KLRF1: variants seen among roughly 807,000 people sequenced by gnomAD.
KLRF1 encodes killer cell lectin-like receptor subfamily F member 1.
In KLRF1, 27 loss-of-function variants were observed where a neutral mutation model predicts 30.7. That is an observed-to-expected ratio of 0.88 (90% CI 0.65 to 1.21). The LOEUF (loss-of-function observed/expected upper bound fraction) is 1.21. Ranked by LOEUF, KLRF1 falls within the 50% of genes most tolerant of loss-of-function variation. The probability of loss-of-function intolerance (pLI) is 0.00; values close to 1 mark genes in which losing one functional copy is unlikely to be tolerated. For synonymous variants in KLRF1, 92 were observed against 89.3 expected, an observed-to-expected ratio of 1.03 and a Z score of -0.17; for missense variants, 246 against 259.3, an observed-to-expected ratio of 0.95 and a Z score of 0.35.
chr12:9,829,254 G>A (rs1025575167), intron 1 of KLRF1, among the ~76,000 whole-genome samples: 2 of 152,044 alleles, frequency 1.3e-5, no homozygotes, highest in South Asian at 4.2e-4. Flanking sequence ...AATGTTTTGC[G>A]GTTTTAAAAA....
chr12:9,829,739 A>G (rs1867368841), intron 1 of KLRF1, among the ~76,000 whole-genome samples: 1 of 152,258 alleles, frequency 6.6e-6, no homozygotes, highest in African/African-American at 2.4e-5. Context: ...AACCTGAGCA[A>G]CAGAGCGAGA....
At chr12:9,842,188 G>C (rs1169714878) in intron 4 of KLRF1, 133 bp from the exon 5 acceptor site, 2 of 917,456 alleles carry the variant, frequency 2.2e-6, no homozygotes, top group African/African-American at 3.4e-5. Flanking sequence ...TATAATGTGT[G>C]TATAAGTAAG....
the KLRF1 span, among the ~76,000 whole-genome samples, chr12:9,821,369 A>G: frequency 6.6e-6 from 1 of 152,068 alleles, no homozygotes; most frequent in African/African-American, 2.4e-5. Context: ...CCCTCAGACT[A>G]ATGAAGGAGC....
At chr12:9,837,963 T>C (rs1867617277) in intron 3 of KLRF1, among the ~76,000 whole-genome samples, 1 of 152,174 alleles carries the variant, frequency 6.6e-6, no homozygotes, top group African/African-American at 2.4e-5. Context: ...TGCTTCAGGG[T>C]GAGCCCTGAG....
chr12:9,818,858 C>T, the KLRF1 span, among the ~76,000 whole-genome samples: 1 of 152,146 alleles, frequency 6.6e-6, no homozygotes, highest in Non-Finnish European at 1.5e-5. Flanking sequence ...GTGCTGTTCT[C>T]ACAGGAGAAA....
the KLRF1 span, among the ~76,000 whole-genome samples, chr12:9,804,017 A>G: frequency 6.6e-6 from 1 of 151,818 alleles, no homozygotes; most frequent in Admixed American, 6.6e-5. Context: ...CAAACTGTTT[A>G]CCAAAGTGGC....
the KLRF1 span, among the ~76,000 whole-genome samples, chr12:9,805,882 T>C: frequency 6.6e-6 from 1 of 152,080 alleles, no homozygotes; most frequent in African/African-American, 2.4e-5. Context: ...TGTTCCCCTC[T>C]TTCATTCCTG....
chr12:9,800,824 T>C, the KLRF1 span, among the ~76,000 whole-genome samples: 3 of 152,134 alleles, frequency 2.0e-5, no homozygotes, highest in Admixed American at 2.0e-4. Flanking sequence ...TATCTTTTCA[T>C]TTTTTAAAAA....
upstream of KLRF1, among the ~76,000 whole-genome samples, chr12:9,825,075 A>G (rs768230503): frequency 1.3e-5 from 2 of 152,308 alleles, no homozygotes; most frequent in East Asian, 3.9e-4. Context: ...TGCTATTCCT[A>G]TCATACTACC....
At chr12:9,834,447 G>A (rs1867524666) in intron 3 of KLRF1, among the ~76,000 whole-genome samples, 1 of 152,038 alleles carries the variant, frequency 6.6e-6, no homozygotes, top group African/African-American at 2.4e-5. Flanking sequence ...GATAATGGGC[G>A]ATGTTTCTCA....
the KLRF1 span, among the ~76,000 whole-genome samples, chr12:9,805,361 C>A: frequency 6.6e-6 from 1 of 151,830 alleles, no homozygotes; most frequent in Non-Finnish European, 1.5e-5. Flanking sequence ...GACAAAAGGG[C>A]AAGAGGGATG....
upstream of KLRF1, among the ~76,000 whole-genome samples, chr12:9,826,811 T>C (rs2121185090): frequency 6.6e-6 from 1 of 152,104 alleles, no homozygotes; most frequent in South Asian, 2.1e-4. Context: ...ATAATTGGGA[T>C]CTAAATGATG....
Position 9,841,901 on chromosome 12 carries a change from T to G in KLRF1, c.424T>G (p.Cys142Gly). The G allele has an allele frequency of 6.2e-7, 1 of 1,612,340 alleles. No homozygotes were observed. The highest frequency in any genetic ancestry group is 8.5e-7 in the Non-Finnish European group (1 of 1,178,792). Residue 142 changes from cysteine to glycine, a missense_variant, in exon 4 of 6, where the codon TGT (cysteine) becomes GGT (glycine). By Grantham distance (159) the Cys-to-Gly change is radical. Transcript: ENST00000617889. The part of the protein sequence containing the change: ...MKSWSDSYVY[C>G]LERKSHLLII... Reference sequence around the variant, plus strand: ...AAGCTGGAGTGACAGTTATGTGTATTGTTTGGAAAGAAAATCTCATCTACT... The same window carrying G: ...AAGCTGGAGTGACAGTTATGTGTATGGTTTGGAAAGAAAATCTCATCTACT...
intron 3 of KLRF1, among the ~76,000 whole-genome samples, chr12:9,838,085 C>T (rs1427338522): frequency 6.6e-6 from 1 of 152,096 alleles, no homozygotes; most frequent in East Asian, 1.9e-4. Flanking sequence ...GACAACAGTG[C>T]CAGTCTACTC....
At chr12:9,804,268 C>T in the KLRF1 span, among the ~76,000 whole-genome samples, 84,493 of 151,600 alleles carry the variant, frequency 0.56, 26,120 homozygotes, top group Non-Finnish European at 0.68. Context: ...ATCTTTTGCC[C>T]ATATTTTAAT....
chr12:9,818,951 C>A, the KLRF1 span, among the ~76,000 whole-genome samples: 2 of 152,146 alleles, frequency 1.3e-5, no homozygotes, highest in African/African-American at 4.8e-5. Context: ...CAACTCAATC[C>A]GTGGAGGATG....
rs1867778575 is a variant in KLRF1 at position 9,844,846 on chromosome 12, C to T, written c.*320C>T. The T allele has an allele frequency of 6.2e-6, 1 of 160,538 alleles. No homozygotes were observed. The highest frequency in any genetic ancestry group is 2.4e-5 in the African/African-American group (1 of 41,634). 9.9% of individuals were successfully genotyped at this position (160,538 alleles called of 1,614,324 possible). A position where few individuals can be genotyped will look rare whatever the true frequency, so the allele number is the denominator to read the frequency against. The stretch of plus-strand genomic sequence containing the variant: ...TTTTCTGTATCTTGCGTTTTAAATT[C>T]TTAATAAGGTCCTAAACAAAATTTC... On this transcript the variant is annotated 3_prime_UTR_variant, in exon 6 of 6. Coordinates refer to ENST00000617889, the MANE Select transcript of KLRF1 (RefSeq NM_016523.3).
intron 1 of KLRF1, among the ~76,000 whole-genome samples, chr12:9,830,922 T>G (rs1022112538): frequency 2.0e-5 from 3 of 151,916 alleles, no homozygotes; most frequent in Admixed American, 6.6e-5. Flanking sequence ...AAGTTTTACT[T>G]TCTCCATTAT....
Position 9,829,872 on chromosome 12 carries a change from T to G in KLRF1, c.85+2243T>G, listed in dbSNP as rs770460003. Reference sequence around the variant, plus strand: ...CCATTTTGTATTTCTATATTTCCAGTGTTTACTTAGCTATTCTCACTCTTT... The same window carrying G: ...CCATTTTGTATTTCTATATTTCCAGGGTTTACTTAGCTATTCTCACTCTTT... On this transcript the variant is annotated intron_variant, in intron 1 of 5. Coordinates refer to ENST00000617889, the MANE Select transcript of KLRF1 (RefSeq NM_016523.3). 5.3e-5 allele frequency among the ~76,000 whole-genome samples: 8 copies of G among 152,356 alleles called. No homozygotes were observed. In the South Asian group the frequency reaches 1.7e-3, roughly 32 times the overall value.
Sources: allele counts gnomAD v4.1 joint callset (sites outside exome capture counted in the v4.1 genomes callset), GRCh38; gene constraint gnomAD v4.1.1; transcripts MANE v1.5; gene names NCBI Gene and HGNC (gene_info 2026-07-23, HGNC 2026-07-21).